The following CDK5RAP2 variants were observed in gnomAD, a reference collection of about 807,000 sequenced individuals.
The protein encoded by CDK5RAP2 is CDK5 regulatory subunit associated protein 2.
A neutral mutation model predicts 232.9 loss-of-function variants in CDK5RAP2; 147 were observed. The ratio of observed to expected loss-of-function variants is 0.63; its 90% confidence interval spans 0.55 to 0.72. The LOEUF is 0.72. Among genes scored for constraint, CDK5RAP2 ranks in the 30% least tolerant of loss-of-function variants. The pLI is 0.00. For missense variants in CDK5RAP2, 2,195 were observed against 2,231.5 expected, an observed-to-expected ratio of 0.98 and a Z score of 0.33; for synonymous variants, 833 against 833.7, an observed-to-expected ratio of 1.00 and a Z score of 0.01.
chr9:120,528,609 T>C (rs2041008547), intron 9 of CDK5RAP2, 135 bp downstream of exon 9: 1 of 706,770 alleles, frequency 1.4e-6, no homozygotes. Flanking sequence ...GAGTACCTTA[T>C]GCTTGACTGG....
intron 9 of CDK5RAP2, among the ~76,000 whole-genome samples, chr9:120,528,321 T>C (rs906717553): frequency 1.3e-5 from 2 of 148,644 alleles, no homozygotes; most frequent in Admixed American, 6.7e-5. Flanking sequence ...GAGTTCATTC[T>C]AAAGATAATC....
At chr9:120,528,382 G>T (rs1316166213) in intron 9 of CDK5RAP2, among the ~76,000 whole-genome samples, 1 of 152,210 alleles carries the variant, frequency 6.6e-6, no homozygotes, top group Non-Finnish European at 1.5e-5. Context: ...GATAATGGAT[G>T]TGAAAGCACT....
intron 5 of CDK5RAP2, among the ~76,000 whole-genome samples, chr9:120,542,673 T>C (rs534196199): frequency 2.5e-4 from 38 of 152,198 alleles, no homozygotes; most frequent in Non-Finnish European, 4.9e-4. Flanking sequence ...TAATACCAGA[T>C]GTGACCTTCC....
chr9:120,548,579 G>A (rs186579640), intron 4 of CDK5RAP2, among the ~76,000 whole-genome samples: 97 of 152,334 alleles, frequency 6.4e-4, no homozygotes, highest in Non-Finnish European at 9.7e-4. Flanking sequence ...AGCCAAGGCA[G>A]GAGGATGGTT....
chr9:120,503,461 G>T (rs984695458), intron 12 of CDK5RAP2, among the ~76,000 whole-genome samples: 1 of 152,162 alleles, frequency 6.6e-6, no homozygotes, highest in Admixed American at 6.5e-5. Context: ...AATGTTTTGG[G>T]GAGGCATGGA....
chr9:120,449,204 C>A (rs555289546), intron 21 of CDK5RAP2, among the ~76,000 whole-genome samples: 1 of 152,286 alleles, frequency 6.6e-6, no homozygotes, highest in South Asian at 2.1e-4. Flanking sequence ...TATGCCGACT[C>A]CTTTGCCCAG....
At chr9:120,481,573 CG>C (rs542822337) in intron 14 of CDK5RAP2, among the ~76,000 whole-genome samples, 73 of 145,872 alleles carry the variant, frequency 5.0e-4, no homozygotes, top group Non-Finnish European at 8.0e-4. Context: ...AGTGCAGTGA[CG>C]CACTCTCTGC....
At chr9:120,579,780 A>T (rs2043173355) in intron 1 of CDK5RAP2, 140 bp downstream of exon 1, 5 of 672,762 alleles carry the variant, frequency 7.4e-6, no homozygotes, top group South Asian at 5.3e-5. Context: ...CCCCCCAGAG[A>T]CCCTCTCCGA....
In CDK5RAP2 at chr9:120,406,764, G is replaced by A. The variant is rs112110941; in HGVS notation, c.4963+248C>T. On this transcript the variant is annotated intron_variant, in intron 32 of 37. Transcript: ENST00000349780. ...AGGAGGGAGCAAGGCCAGAGGCACTGAGGGTGTCTGGAAGTCCAAATTCCA... is the reference window on the plus strand; with the variant it reads ...AGGAGGGAGCAAGGCCAGAGGCACTAAGGGTGTCTGGAAGTCCAAATTCCA... 1.6e-4 allele frequency: 93 copies of A among 566,430 alleles called. 1 individual carries two copies. Among genetic ancestry groups the A allele is most frequent in the African/African-American group, 1.2e-3 (65 of 53,514 alleles). 35.1% of individuals were successfully genotyped at this position (566,430 alleles called of 1,614,324 possible). A position where few individuals can be genotyped will look rare whatever the true frequency, so the allele number is the denominator to read the frequency against.
At chr9:120,543,419 A>G (rs1296188450) in intron 5 of CDK5RAP2, among the ~76,000 whole-genome samples, 2 of 152,308 alleles carry the variant, frequency 1.3e-5, no homozygotes, top group Admixed American at 1.3e-4. Context: ...GACTTCTCAT[A>G]TTCCCTCAGA....
intron 6 of CDK5RAP2, among the ~76,000 whole-genome samples, chr9:120,538,142 T>C (rs544341540): frequency 3.9e-5 from 6 of 152,340 alleles, no homozygotes; most frequent in African/African-American, 1.2e-4. Context: ...TCCAAGCCTG[T>C]TTAAAACACA....
At position 120,389,281 on chromosome 9, in the gene CDK5RAP2, C is replaced by T. The variant is rs1409914175; in HGVS notation, c.5637G>A (p.Gly1879=). ...KARGNLELRP[G]GAHPGTCSPS... ...GACTGCATGTTCCTGGATGGGCTCC[C>T]CCAGGCCTAAGCTAGGAAAAGGAAG... Residue 1879 remains glycine, a synonymous_variant, in exon 38 of 38, where the codon GGG becomes GGA. Coordinates refer to ENST00000349780, the MANE Select transcript of CDK5RAP2 (RefSeq NM_018249.6). 9.3e-6 allele frequency: 15 copies of T among 1,612,482 alleles called. No individual in the cohort carries two copies. The highest frequency in any genetic ancestry group is 1.2e-5 in the Non-Finnish European group (14 of 1,179,192).
At chr9:120,537,389 A>G (rs978743190) in intron 6 of CDK5RAP2, among the ~76,000 whole-genome samples, 2 of 152,094 alleles carry the variant, frequency 1.3e-5, no homozygotes, top group Non-Finnish European at 2.9e-5. Context: ...TGCCCTCCAC[A>G]GTGCCGCCCC....
chr9:120,424,484 C>A (rs551458287), intron 25 of CDK5RAP2, among the ~76,000 whole-genome samples: 55 of 152,280 alleles, frequency 3.6e-4, no homozygotes, highest in African/African-American at 1.2e-3. Context: ...CCCTAATGGG[C>A]AGGGACAACT....
chr9:120,549,752 AAAC>A (rs1352037797), intron 4 of CDK5RAP2, among the ~76,000 whole-genome samples: 2 of 152,218 alleles, frequency 1.3e-5, no homozygotes, highest in Admixed American at 1.3e-4. Flanking sequence ...ACTCACGTAT[AAAC>A]TGCTTTAGGC....
At chr9:120,536,548 T>G in intron 6 of CDK5RAP2, 22 bp from the exon 7 acceptor site, 4 of 1,611,554 alleles carry the variant, frequency 2.5e-6, no homozygotes, top group Non-Finnish European at 2.5e-6. Flanking sequence ...TTAAATGCAT[T>G]TGATGCAATT....
At chr9:120,472,907 C>T (rs1246254701) in intron 15 of CDK5RAP2, among the ~76,000 whole-genome samples, 4 of 152,186 alleles carry the variant, frequency 2.6e-5, no homozygotes, top group African/African-American at 7.2e-5. Context: ...AGGAACTGAA[C>T]GTTTAATTTT....
At chr9:120,552,583 T>C (rs2042083283) in intron 3 of CDK5RAP2, among the ~76,000 whole-genome samples, 1 of 151,078 alleles carries the variant, frequency 6.6e-6, no homozygotes, top group Admixed American at 6.7e-5. Context: ...CTCAGCAAAC[T>C]ATCGCAAGGA....
chr9:120,419,534 AG>A (rs1205264742), intron 27 of CDK5RAP2, among the ~76,000 whole-genome samples: 1 of 152,356 alleles, frequency 6.6e-6, no homozygotes, highest in African/African-American at 2.4e-5. Flanking sequence ...CACAGCCTGC[AG>A]GAAATGGCAA....
Sources: allele counts gnomAD v4.1 joint callset (sites outside exome capture counted in the v4.1 genomes callset), GRCh38; gene constraint gnomAD v4.1.1; transcripts MANE v1.5; gene names NCBI Gene and HGNC (gene_info 2026-07-23, HGNC 2026-07-21).